The following AOPEP variants were observed in gnomAD, a reference collection of about 807,000 sequenced individuals.
The protein encoded by AOPEP is aminopeptidase O.
A neutral mutation model predicts 98.1 loss-of-function variants in AOPEP; 77 were observed. The observed-to-expected ratio is 0.78, with a 90% CI of 0.65 to 0.95. AOPEP has a LOEUF of 0.95. AOPEP is among the 40% of genes least tolerant of loss of function. The pLI is 0.00. For synonymous variants in AOPEP, 346 were observed against 365.3 expected, an observed-to-expected ratio of 0.95 and a Z score of 0.60; for missense variants, 1,024 against 1,024.7, an observed-to-expected ratio of 1.00 and a Z score of 0.01.
In AOPEP at chr9:94,761,689, C is replaced by G. The variant is rs532075794; in HGVS notation, c.797+1109C>G. On this transcript the variant is annotated intron_variant, in intron 2 of 16. Transcript: ENST00000375315. ...TTACCTTCTGTTCTGGTCTCTCACC[C>G]TGCTCAGAATGAGTTCACTTCCTGT... is the stretch of plus-strand genomic sequence containing the variant. Among the ~76,000 whole-genome samples, 18 of 152,296 alleles carry G rather than the reference C, an allele frequency of 1.2e-4. No individual in the cohort carries two copies. The South Asian group carries it at 3.5e-3, about 30-fold the overall frequency.
intron 11 of AOPEP, among the ~76,000 whole-genome samples, chr9:94,991,414 G>A (rs2060884695): frequency 1.3e-5 from 2 of 152,236 alleles, no homozygotes; most frequent in Admixed American, 6.5e-5. Flanking sequence ...TTAGAGTGCA[G>A]TGCGTCTTCT....
chr9:94,771,028 C>T (rs1840749362), intron 2 of AOPEP, among the ~76,000 whole-genome samples: 1 of 152,132 alleles, frequency 6.6e-6, no homozygotes, highest in African/African-American at 2.4e-5. Context: ...CAGATTTGAC[C>T]TCATCTCAAA....
intron 14 of AOPEP, among the ~76,000 whole-genome samples, chr9:95,064,325 C>T (rs922284373): frequency 3.9e-5 from 6 of 152,230 alleles, no homozygotes; most frequent in East Asian, 3.9e-4. Context: ...GACGGAGTCT[C>T]GCTGTGTCTC....
At chr9:94,750,513 AG>A (rs1835443335) in intron 1 of AOPEP, among the ~76,000 whole-genome samples, 1 of 152,026 alleles carries the variant, frequency 6.6e-6, no homozygotes, top group African/African-American at 2.4e-5. Context: ...TGAACCTGAG[AG>A]GCAGAGGTTG....
chr9:95,135,315 A>C, the AOPEP span: 1 of 1,609,056 alleles, frequency 6.2e-7, no homozygotes. Flanking sequence ...TCCTTCAAGG[A>C]TTTTTCCCTT....
chr9:94,936,820 T>C (rs988789285), intron 7 of AOPEP, among the ~76,000 whole-genome samples: 1 of 151,998 alleles, frequency 6.6e-6, no homozygotes, highest in Non-Finnish European at 1.5e-5. Context: ...GCACGTTGGG[T>C]TTATTAATTT....
intron 2 of AOPEP, among the ~76,000 whole-genome samples, chr9:94,767,240 G>A (rs1839831445): frequency 6.6e-6 from 1 of 152,184 alleles, no homozygotes; most frequent in Non-Finnish European, 1.5e-5. Context: ...AATCATGAGT[G>A]AAAATGCTTG....
At chr9:94,761,564 A>G (rs572620970) in intron 2 of AOPEP, among the ~76,000 whole-genome samples, 3 of 152,268 alleles carry the variant, frequency 2.0e-5, no homozygotes, top group South Asian at 4.2e-4. Flanking sequence ...AATTGCTTAC[A>G]TGTCTCCCTC....
the AOPEP span, chr9:95,135,579 C>A: frequency 8.0e-7 from 1 of 1,245,326 alleles, no homozygotes; most frequent in Admixed American, 1.9e-5. Flanking sequence ...GTTCAAAATG[C>A]AATCACTAAT....
At chr9:94,967,866 A>G in intron 10 of AOPEP, 65 bp downstream of exon 10, 1 of 1,348,700 alleles carries the variant, frequency 7.4e-7, no homozygotes, top group Non-Finnish European at 1.1e-6. Context: ...TGACATTGCC[A>G]TTGGTTGGCT....
At chr9:95,044,826 A>G (rs762167416) in intron 13 of AOPEP, among the ~76,000 whole-genome samples, 2 of 152,138 alleles carry the variant, frequency 1.3e-5, no homozygotes, top group Non-Finnish European at 2.9e-5. Flanking sequence ...TAGGGCCTGC[A>G]CTAGAGAGGC....
chr9:94,996,030 G>C (rs886365410), intron 11 of AOPEP, among the ~76,000 whole-genome samples: 1 of 152,324 alleles, frequency 6.6e-6, no homozygotes, highest in South Asian at 2.1e-4. Context: ...CATGCAGGGG[G>C]TGGAAGCAGA....
intron 5 of AOPEP, among the ~76,000 whole-genome samples, chr9:94,849,290 C>T (rs926405805): frequency 1.3e-5 from 2 of 152,154 alleles, no homozygotes; most frequent in African/African-American, 4.8e-5. Flanking sequence ...ATAATCCTGA[C>T]TCCAAAGATT....
intron 14 of AOPEP, among the ~76,000 whole-genome samples, chr9:95,070,606 A>G (rs928810525): frequency 1.3e-5 from 2 of 152,272 alleles, no homozygotes; most frequent in Non-Finnish European, 2.9e-5. Context: ...TTTATCAAGC[A>G]TGTACTATGT....
At chr9:94,914,688 G>A (rs1388984673) in intron 5 of AOPEP, among the ~76,000 whole-genome samples, 1 of 151,594 alleles carries the variant, frequency 6.6e-6, no homozygotes, top group Non-Finnish European at 1.5e-5. Context: ...TATAAACTTT[G>A]GCAATGAGTT....
chr9:94,868,979 A>C (rs1211560806), intron 5 of AOPEP, among the ~76,000 whole-genome samples: 12 of 152,210 alleles, frequency 7.9e-5, no homozygotes, highest in African/African-American at 1.4e-4. Context: ...CTATAATCCC[A>C]GCACTTTGGG....
At chr9:94,745,676 A>G (rs1421723373) in intron 1 of AOPEP, among the ~76,000 whole-genome samples, 1 of 152,174 alleles carries the variant, frequency 6.6e-6, no homozygotes, top group East Asian at 1.9e-4. Flanking sequence ...GTTTCCATCC[A>G]TATTGTTGCA....
intron 11 of AOPEP, among the ~76,000 whole-genome samples, chr9:94,984,148 C>A (rs2060369695): frequency 6.8e-6 from 1 of 148,142 alleles, no homozygotes; most frequent in Non-Finnish European, 1.5e-5. Flanking sequence ...ATTCTCCTGC[C>A]TCAGGCTCCC....
At chr9:94,920,796 A>T (rs1029892025) in intron 5 of AOPEP, among the ~76,000 whole-genome samples, 9 of 152,146 alleles carry the variant, frequency 5.9e-5, no homozygotes, top group Non-Finnish European at 1.0e-4. Flanking sequence ...ACCAGACATG[A>T]TATTTTTAAT....
Sources: gnomAD v4.1 joint callset for allele counts (sites outside exome capture counted in the v4.1 genomes callset) on GRCh38, gnomAD v4.1.1 for gene constraint, MANE v1.5 for transcripts, NCBI Gene and HGNC (gene_info 2026-07-23, HGNC 2026-07-21) for gene names.